NEO1: variants seen among roughly 807,000 people sequenced by gnomAD.
NEO1 encodes neogenin.
Under a neutral mutation model 159.7 loss-of-function variants are expected in NEO1, and 63 were observed. That is an observed-to-expected ratio of 0.39 (90% CI 0.32 to 0.49). NEO1 has a LOEUF of 0.49. Among genes scored for constraint, NEO1 ranks in the 20% least tolerant of loss-of-function variants. NEO1 has a pLI of 0.85. For synonymous variants in NEO1, 633 were observed against 662.0 expected (o/e 0.96, Z 0.67); for missense variants, 1,615 against 1,831.0 (o/e 0.88, Z 2.15).
intron 22 of NEO1, among the ~76,000 whole-genome samples, chr15:73,279,350 G>GTTTTTTTTTTTTTTT (rs1567679061): frequency 2.4e-4 from 14 of 58,144 alleles, no homozygotes; most frequent in Non-Finnish European, 4.4e-4. Flanking sequence ...TTTTGGTTTT[G>GTTTTTTTTTTTTTTT]GTTTTTTTTT....
rs1263106821 is a variant in NEO1, at chr15:73,303,307, A to AT, written c.*611_*612insT. The AT allele has an allele frequency of 6.6e-6, 1 of 152,474 alleles. No homozygotes were observed. The highest frequency in any genetic ancestry group is 1.5e-5 in the Non-Finnish European group (1 of 68,004). 9.4% of individuals were successfully genotyped at this position (152,474 alleles called of 1,614,324 possible). A position where few individuals can be genotyped will look rare whatever the true frequency, so the allele number is the denominator to read the frequency against. ...TACCAGCTGTTAATCCATCACTCTGAGGGGGAGGAAATGTTGCATTGCTGT... is the reference window on the plus strand; with the variant it reads ...TACCAGCTGTTAATCCATCACTCTGATGGGGGAGGAAATGTTGCATTGCTGT... On this transcript the variant is annotated 3_prime_UTR_variant, in exon 29 of 29. Coordinates refer to ENST00000261908, the MANE Select transcript of NEO1 (RefSeq NM_002499.4).
chr15:73,063,575 A>G (rs2068071070), intron 1 of NEO1, among the ~76,000 whole-genome samples: 1 of 152,094 alleles, frequency 6.6e-6, no homozygotes, highest in African/African-American at 2.4e-5. Flanking sequence ...GTTTCTTAAG[A>G]CTTGAGCTGA....
intron 8 of NEO1, among the ~76,000 whole-genome samples, chr15:73,238,059 T>A (rs2039280670): frequency 6.6e-6 from 1 of 152,090 alleles, no homozygotes; most frequent in Admixed American, 6.6e-5. Flanking sequence ...GCCAGCCTGT[T>A]CCCAAGCTAA....
chr15:73,098,428 A>G (rs1327130796), intron 1 of NEO1, among the ~76,000 whole-genome samples: 1 of 152,214 alleles, frequency 6.6e-6, no homozygotes, highest in Non-Finnish European at 1.5e-5. Flanking sequence ...CTCTTTCACC[A>G]TATTTCCTCT....
At chr15:73,236,149 T>C (rs1231863122) in intron 7 of NEO1, 198 bp from the exon 8 acceptor site, 2 of 724,792 alleles carry the variant, frequency 2.8e-6, no homozygotes, top group Non-Finnish European at 4.4e-6. Context: ...TTTAATGGCC[T>C]TTTTTATGTT....
intron 21 of NEO1, among the ~76,000 whole-genome samples, chr15:73,276,084 AATAT>A (rs1245362502): frequency 6.6e-6 from 1 of 152,140 alleles, no homozygotes; most frequent in Non-Finnish European, 1.5e-5. Flanking sequence ...AAATACCCAT[AATAT>A]ATATATGCAC....
At chr15:73,203,613 T>G (rs2037037904) in intron 7 of NEO1, among the ~76,000 whole-genome samples, 1 of 152,176 alleles carries the variant, frequency 6.6e-6, no homozygotes, top group Non-Finnish European at 1.5e-5. Flanking sequence ...TCTCTCAAAA[T>G]TTTGATTATA....
chr15:73,079,776 A>G (rs2068952159), intron 1 of NEO1, among the ~76,000 whole-genome samples: 2 of 152,320 alleles, frequency 1.3e-5, no homozygotes, highest in East Asian at 3.9e-4. Context: ...TAAAATATTC[A>G]GGAAGTTATT....
intron 7 of NEO1, among the ~76,000 whole-genome samples, chr15:73,200,686 T>G (rs1461827798): frequency 6.8e-6 from 1 of 146,490 alleles, no homozygotes; most frequent in East Asian, 2.0e-4. Flanking sequence ...TTTTTTTTTT[T>G]TTTTTTGAGA....
In NEO1 at chr15:73,162,511, A is replaced by G. The variant is rs529503568; in HGVS notation, c.1016-13892A>G. Among the ~76,000 whole-genome samples the G allele has an allele frequency of 2.5e-3, 374 of 151,988 alleles. 3 individuals are homozygous for G. Among genetic ancestry groups the G allele is most frequent in the African/African-American group, 7.4e-3 (308 of 41,446 alleles). On this transcript the variant is annotated intron_variant, in intron 5 of 28. Transcript: ENST00000261908. ...GGGTTCAAGCAATTCTCATGCCTCAACCTGCTGAGTAGCTGGGGTTATAGG... is the reference window on the plus strand; with the variant it reads ...GGGTTCAAGCAATTCTCATGCCTCAGCCTGCTGAGTAGCTGGGGTTATAGG...
At chr15:73,197,750 G>A (rs1322297841) in intron 7 of NEO1, among the ~76,000 whole-genome samples, 1 of 147,010 alleles carries the variant, frequency 6.8e-6, no homozygotes, top group African/African-American at 2.5e-5. Flanking sequence ...GCGCAATTTC[G>A]GCTCACTGCA....
chr15:73,137,457 T>C (rs563040785), intron 5 of NEO1, among the ~76,000 whole-genome samples: 1 of 152,354 alleles, frequency 6.6e-6, no homozygotes, highest in Non-Finnish European at 1.5e-5. Context: ...TTGATTTTTT[T>C]TGAGACAGGG....
intron 7 of NEO1, among the ~76,000 whole-genome samples, chr15:73,216,534 A>T (rs910012223): frequency 5.9e-5 from 9 of 152,268 alleles, no homozygotes; most frequent in South Asian, 2.1e-4. Context: ...GTTGAACTAG[A>T]TTACAGTCCC....
At chr15:73,083,493 C>T (rs189946698) in intron 1 of NEO1, among the ~76,000 whole-genome samples, 15 of 152,038 alleles carry the variant, frequency 9.9e-5, no homozygotes, top group Admixed American at 3.3e-4. Flanking sequence ...GTAGCCCCAG[C>T]GTTCAGTTCA....
intron 5 of NEO1, among the ~76,000 whole-genome samples, chr15:73,154,731 A>G (rs1037702377): frequency 1.3e-5 from 2 of 152,100 alleles, no homozygotes; most frequent in African/African-American, 2.4e-5. Flanking sequence ...CTTTCAGTCT[A>G]TGTGTCTTTA....
intron 1 of NEO1, among the ~76,000 whole-genome samples, chr15:73,063,663 C>A (rs185192921): frequency 2.0e-3 from 297 of 151,572 alleles, no homozygotes; most frequent in Admixed American, 3.4e-3. Context: ...GTTTTTTGGC[C>A]AGGAGGGTAA....
chr15:73,272,911 T>C (rs2041238446), intron 19 of NEO1, among the ~76,000 whole-genome samples: 1 of 147,568 alleles, frequency 6.8e-6, no homozygotes, highest in Non-Finnish European at 1.5e-5. Context: ...ACCCCCTCCC[T>C]GGTTCTGTAG....
intron 20 of NEO1, 88 bp downstream of exon 20, chr15:73,274,093 A>C (rs1043462930): frequency 8.0e-7 from 1 of 1,251,796 alleles, no homozygotes; most frequent in African/African-American, 1.5e-5. Context: ...GAGTCTGTGG[A>C]TAGTATATGA....
chr15:73,244,414 G>T lies in NEO1; in HGVS notation c.1522G>T (p.Val508Leu), dbSNP rs200297567. 829 of 1,613,810 alleles carry T rather than the reference G, an allele frequency of 5.1e-4. 1 individual carries two copies. The highest frequency in any genetic ancestry group is 6.7e-4 in the Non-Finnish European group (794 of 1,179,904). ...VTIQNLMPAT[V>L]YIFRVMAQNK... ...CATTCAAAACCTAATGCCAGCGACC[G>T]TGTACATCTTTAGAGTTATGGCTCA... is the stretch of plus-strand genomic sequence containing the variant. Residue 508 changes from valine to leucine, a missense_variant, in exon 9 of 29, where the codon GTG (valine) becomes TTG (leucine). Physicochemically the swap from Val to Leu is conservative, Grantham distance 32. Around this residue, in one of 3 missense-constraint regions of NEO1, gnomAD observed 1,018 missense variants for 1,115.4 expected, o/e 0.91. Transcript: ENST00000261908.
Sources: allele counts gnomAD v4.1 joint callset (sites outside exome capture counted in the v4.1 genomes callset), GRCh38; gene constraint gnomAD v4.1.1; regional missense constraint gnomAD v4.1.1; transcripts MANE v1.5; gene names NCBI Gene and HGNC (gene_info 2026-07-23, HGNC 2026-07-21).